Variants in BCAR3 observed in about 807,000 individuals in gnomAD.
BCAR3 encodes BCAR3 adaptor protein, NSP family member, also known as breast cancer anti-estrogen resistance protein 3.
A neutral mutation model predicts 80.1 loss-of-function variants in BCAR3; 37 were observed. The ratio of observed to expected loss-of-function variants is 0.46; its 90% CI spans 0.36 to 0.61. The LOEUF is 0.61. Ranked by LOEUF, BCAR3 falls within the 20% of genes least tolerant of loss-of-function variation. The pLI, the probability that BCAR3 is intolerant of heterozygous loss-of-function variation, is 0.00. For missense variants in BCAR3, 978 were observed against 1,068.2 expected (o/e 0.92, Z 1.18); for synonymous variants, 389 against 418.9 (o/e 0.93, Z 0.87).
intron 2 of BCAR3, among the ~76,000 whole-genome samples, chr1:93,826,680 G>A (rs754098647): frequency 1.3e-5 from 2 of 152,166 alleles, no homozygotes; most frequent in Non-Finnish European, 2.9e-5. Context: ...GGGTGCTAAA[G>A]GAATATATAA....
At chr1:93,796,724 T>G (rs1403534107) in intron 2 of BCAR3, among the ~76,000 whole-genome samples, 1 of 152,202 alleles carries the variant, frequency 6.6e-6, no homozygotes, top group African/African-American at 2.4e-5. Flanking sequence ...AACAAAAATA[T>G]CCATTTCCTA....
At chr1:93,694,708 G>T (rs1017261974) in intron 3 of BCAR3, among the ~76,000 whole-genome samples, 3 of 152,206 alleles carry the variant, frequency 2.0e-5, no homozygotes, top group African/African-American at 7.2e-5. Flanking sequence ...AGATCCAAGT[G>T]AGACCTGGCA....
chr1:93,803,995 G>C (rs1398844191), intron 2 of BCAR3, among the ~76,000 whole-genome samples: 2 of 152,202 alleles, frequency 1.3e-5, no homozygotes, highest in African/African-American at 2.4e-5. Flanking sequence ...GATAGGCAAA[G>C]TGGCCATAAG....
At chr1:93,821,397 T>C (rs1654217664) in intron 2 of BCAR3, among the ~76,000 whole-genome samples, 1 of 152,142 alleles carries the variant, frequency 6.6e-6, no homozygotes, top group Non-Finnish European at 1.5e-5. Context: ...GATTTCTCTT[T>C]AGAGATAGCC....
At chr1:93,728,052 A>G (rs1650652900) in intron 2 of BCAR3, among the ~76,000 whole-genome samples, 1 of 152,222 alleles carries the variant, frequency 6.6e-6, no homozygotes, top group Non-Finnish European at 1.5e-5. Flanking sequence ...GGGAGAGGCA[A>G]GGAAGGATTC....
chr1:93,755,156 A>G (rs1009959751), intron 2 of BCAR3, among the ~76,000 whole-genome samples: 1 of 152,240 alleles, frequency 6.6e-6, no homozygotes, highest in African/African-American at 2.4e-5. Flanking sequence ...ATATTTTTGC[A>G]TAGCTGTATA....
intron 2 of BCAR3, among the ~76,000 whole-genome samples, chr1:93,739,750 G>A (rs962658504): frequency 1.3e-5 from 2 of 152,146 alleles, no homozygotes; most frequent in Non-Finnish European, 2.9e-5. Flanking sequence ...GAAGAAAAGA[G>A]CTGGCCAGGT....
chr1:93,742,601 C>T (rs113260762), intron 2 of BCAR3, among the ~76,000 whole-genome samples: 4 of 152,034 alleles, frequency 2.6e-5, no homozygotes, highest in African/African-American at 9.7e-5. Flanking sequence ...CCATTAGAAG[C>T]AGTTTTCTAT....
intron 2 of BCAR3, among the ~76,000 whole-genome samples, chr1:93,740,568 C>T (rs1473150492): frequency 6.6e-6 from 1 of 152,164 alleles, no homozygotes; most frequent in Non-Finnish European, 1.5e-5. Context: ...CCACTCTGCT[C>T]ACTCAACATT....
intron 2 of BCAR3, among the ~76,000 whole-genome samples, chr1:93,782,725 G>T (rs1186572172): frequency 6.6e-6 from 1 of 152,180 alleles, no homozygotes; most frequent in Non-Finnish European, 1.5e-5. Flanking sequence ...CCAGGCTTGG[G>T]AAGCAATGAT....
At chr1:93,845,497 T>TCA (rs1182494320) in intron 2 of BCAR3, 1 of 2,752 alleles carries the variant, frequency 3.6e-4, no homozygotes, top group African/African-American at 9.7e-4. Context: ...TATATATATA[T>TCA]ATATAAAACT....
intron 3 of BCAR3, among the ~76,000 whole-genome samples, chr1:93,621,932 C>T (rs1675328474): frequency 6.6e-6 from 1 of 152,158 alleles, no homozygotes; most frequent in African/African-American, 2.4e-5. Flanking sequence ...AGGGCAGTGG[C>T]GCAATCTCAG....
intron 2 of BCAR3, among the ~76,000 whole-genome samples, chr1:93,746,291 A>C (rs1281572386): frequency 6.6e-6 from 1 of 152,212 alleles, no homozygotes; most frequent in African/African-American, 2.4e-5. Context: ...AAAGAGATGC[A>C]CTGGGCTAAG....
At chr1:93,672,726 G>A (rs914914689) in intron 2 of BCAR3, among the ~76,000 whole-genome samples, 2 of 152,146 alleles carry the variant, frequency 1.3e-5, no homozygotes, top group Non-Finnish European at 2.9e-5. Context: ...TGTGGAGCCG[G>A]TCCAGGGCCT....
At chr1:93,597,213 G>A (rs1033701437) in intron 3 of BCAR3, among the ~76,000 whole-genome samples, 6 of 152,198 alleles carry the variant, frequency 3.9e-5, no homozygotes, top group Non-Finnish European at 2.9e-5. Context: ...GCCCCACTTC[G>A]AAATGTTCAT....
chr1:93,592,252 C>G lies in BCAR3; in HGVS notation c.486+13G>C. ...GCAGCCGTGTATGCTCTGGAAGGGA[C>G]AAGACCAGGTACCTGTCGGGGGATG... On this transcript the variant is annotated intron_variant, in intron 4 of 11. Transcript: ENST00000260502. The surrounding 1 kb of genome is among the most constrained non-coding windows in gnomAD (Gnocchi z 4.8). 6.2e-7 allele frequency: 1 copy of G among 1,613,480 alleles called. No homozygotes were observed. The highest frequency in any genetic ancestry group is 8.5e-7 in the Non-Finnish European group (1 of 1,180,010).
chr1:93,836,148 C>T (rs1256464409), intron 2 of BCAR3, among the ~76,000 whole-genome samples: 2 of 152,178 alleles, frequency 1.3e-5, no homozygotes, highest in Non-Finnish European at 2.9e-5. Context: ...AGAATTAGAG[C>T]CTGTCCTCGA....
At chr1:93,636,104 A>G (rs549593654) in intron 3 of BCAR3, among the ~76,000 whole-genome samples, 6 of 152,296 alleles carry the variant, frequency 3.9e-5, no homozygotes, top group African/African-American at 1.4e-4. Context: ...CCTTGCTGAG[A>G]TCTGAGCCTT....
intron 3 of BCAR3, among the ~76,000 whole-genome samples, chr1:93,694,233 C>T (rs1203069564): frequency 6.6e-6 from 1 of 152,204 alleles, no homozygotes; most frequent in African/African-American, 2.4e-5. Context: ...GAAATCACAT[C>T]ACACTGTTGG....
Sources: allele counts gnomAD v4.1 joint callset (sites outside exome capture counted in the v4.1 genomes callset), GRCh38; gene constraint gnomAD v4.1.1; non-coding constraint Gnocchi (gnomAD v3.1); transcripts MANE v1.5; gene names NCBI Gene and HGNC (gene_info 2026-07-23, HGNC 2026-07-21).